EFCAB6: variants seen among roughly 807,000 people sequenced by gnomAD.
The protein encoded by EFCAB6 is EF-hand calcium-binding domain-containing protein 6.
In EFCAB6, 156 loss-of-function variants were observed where a neutral mutation model predicts 169.8. The observed-to-expected ratio is 0.92, with a 90% confidence interval of 0.81 to 1.05. The LOEUF (loss-of-function observed/expected upper bound fraction) is 1.05. Ranked by LOEUF, EFCAB6 falls within the 50% of genes least tolerant of loss-of-function variation. The pLI is 0.00. For missense variants in EFCAB6, 1,800 were observed against 1,829.1 expected, an observed-to-expected ratio of 0.98 and a Z score of 0.29; for synonymous variants, 698 against 676.4, an observed-to-expected ratio of 1.03 and a Z score of -0.50.
chr22:43,593,263 A>G (rs1036053992), intron 23 of EFCAB6, among the ~76,000 whole-genome samples: 6 of 152,208 alleles, frequency 3.9e-5, no homozygotes, highest in African/African-American at 1.4e-4. Flanking sequence ...AGTGGGTGAG[A>G]GTGAACTAGT....
chr22:43,542,603 G>A (rs1469483325), intron 27 of EFCAB6, among the ~76,000 whole-genome samples: 2 of 152,050 alleles, frequency 1.3e-5, no homozygotes, highest in African/African-American at 2.4e-5. Context: ...TCTGTGGTGC[G>A]GAGGAGGCCA....
chr22:43,544,720 A>G (rs990832226), intron 27 of EFCAB6, among the ~76,000 whole-genome samples: 2 of 152,156 alleles, frequency 1.3e-5, no homozygotes, highest in Admixed American at 1.3e-4. Context: ...CCCTTCAAAA[A>G]AAAAACCTCT....
chr22:43,800,059 C>T (rs986912471), intron 2 of EFCAB6, among the ~76,000 whole-genome samples: 1 of 152,204 alleles, frequency 6.6e-6, no homozygotes, highest in Non-Finnish European at 1.5e-5. Context: ...GGTGGGACTA[C>T]CATCTCCAGC....
chr22:43,687,565 T>C lies in EFCAB6; in HGVS notation c.1048A>G (p.Thr350Ala). ...AATTGCTTCCAATTGATTTTAGTGG[T>C]GGCTTTAAGTCCAAATCTGGATTTA... ...QLMKRFGLKA[T>A]TKINWKQFLT... Residue 350 changes from threonine (T) to alanine (A), a missense_variant, in exon 11 of 32, where the codon ACC becomes GCC. Physicochemically the swap from Thr to Ala is moderately conservative, Grantham distance 58. Transcript: ENST00000262726. 1.9e-6 allele frequency: 3 copies of C among 1,598,456 alleles called. No homozygotes were observed. The highest frequency in any genetic ancestry group is 1.3e-5 in the African/African-American group (1 of 74,130).
At chr22:43,670,960 C>T (rs2146967804) in intron 15 of EFCAB6, among the ~76,000 whole-genome samples, 1 of 152,310 alleles carries the variant, frequency 6.6e-6, no homozygotes, top group South Asian at 2.1e-4. Flanking sequence ...TATAAGATCT[C>T]ATTTGATCCT....
intron 17 of EFCAB6, among the ~76,000 whole-genome samples, chr22:43,640,454 C>G (rs2055722063): frequency 6.6e-6 from 1 of 152,178 alleles, no homozygotes; most frequent in Admixed American, 6.5e-5. Context: ...ATCTGTTCTG[C>G]TCATATGTGG....
Position 43,590,231 on chromosome 22 carries a change from TGAAA to T in EFCAB6, c.2877-6_2877-3del. 1.9e-6 allele frequency: 3 copies of T among 1,612,748 alleles called. No homozygotes were observed. The highest frequency in any genetic ancestry group is 2.5e-6 in the Non-Finnish European group (3 of 1,179,484). On this transcript the variant is annotated splice_region_variant and splice_polypyrimidine_tract_variant and intron_variant, in intron 23 of 31. Transcript: ENST00000262726. ...TGATGGCGGTCCATAAGCTTATCCC[TGAAA>T]GAGAGTACATTGCAGACATACCCTA...
At chr22:43,663,147 C>T (rs966594895) in intron 17 of EFCAB6, among the ~76,000 whole-genome samples, 3 of 152,214 alleles carry the variant, frequency 2.0e-5, no homozygotes, top group Non-Finnish European at 4.4e-5. Context: ...TCACCGTCAT[C>T]GTTATTATTC....
intron 10 of EFCAB6, among the ~76,000 whole-genome samples, chr22:43,710,135 A>G (rs2059109443): frequency 6.6e-6 from 1 of 152,218 alleles, no homozygotes; most frequent in Non-Finnish European, 1.5e-5. Context: ...AAACCAGGTA[A>G]AGAGAGTATT....
In EFCAB6 at chr22:43,550,988, G is replaced by A. The variant is rs150641526; in HGVS notation, c.3648+3881C>T. On this transcript the variant is annotated intron_variant, in intron 27 of 31. Coordinates refer to ENST00000262726, the MANE Select transcript of EFCAB6 (RefSeq NM_022785.4). ...GTCACTTCCCTCACTTACAGAGCTC[G>A]ATAAGTCAAGAAAGCTGGCCCCTCA... Among the ~76,000 whole-genome samples the A allele has an allele frequency of 5.2e-3, 793 of 152,258 alleles. 4 individuals carry two copies. Among genetic ancestry groups the A allele is most frequent in the Middle Eastern group, 0.041 (12 of 294 alleles).
chr22:43,567,763 G>A (rs1460790666), intron 26 of EFCAB6, among the ~76,000 whole-genome samples: 7 of 152,148 alleles, frequency 4.6e-5, no homozygotes, highest in African/African-American at 1.4e-4. Context: ...CCCAGGCACT[G>A]AGCTGGGCAA....
At chr22:43,579,449 AGCATCATTCCATACATATAG>A (rs931872286) in intron 25 of EFCAB6, among the ~76,000 whole-genome samples, 2 of 128,236 alleles carry the variant, frequency 1.6e-5, no homozygotes, top group Non-Finnish European at 3.3e-5. Flanking sequence ...CCTACATGCA[AGCATCATTCCATACATATAG>A]GCATCATTCT....
Position 43,540,097 on chromosome 22 carries a change from C to T in EFCAB6, c.3879+30G>A, listed in dbSNP as rs780612474. 3.7e-6 allele frequency: 6 copies of T among 1,611,614 alleles called. No homozygotes were observed. The South Asian group carries it at 6.6e-5, about 18-fold the overall frequency. On this transcript the variant is annotated intron_variant, in intron 28 of 31. Coordinates refer to ENST00000262726, the MANE Select transcript of EFCAB6 (RefSeq NM_022785.4). The stretch of plus-strand genomic sequence containing the variant: ...ATTTGTGGATGTGGCATGAGGAGGC[C>T]TGGGACACCTGGCAGGATGGAGAAC...
chr22:43,811,698 G>A (rs2063136308), intron 1 of EFCAB6, among the ~76,000 whole-genome samples: 1 of 152,130 alleles, frequency 6.6e-6, no homozygotes, highest in Non-Finnish European at 1.5e-5. Flanking sequence ...GTGTGACTTT[G>A]GAAAAGCCCC....
At chr22:43,761,224 T>A (rs560475320) in intron 5 of EFCAB6, among the ~76,000 whole-genome samples, 2 of 152,234 alleles carry the variant, frequency 1.3e-5, no homozygotes, top group African/African-American at 4.8e-5. Flanking sequence ...TCAAGAACTA[T>A]GAGAAATAAA....
At chr22:43,561,975 C>G (rs2049068116) in intron 26 of EFCAB6, among the ~76,000 whole-genome samples, 1 of 152,158 alleles carries the variant, frequency 6.6e-6, no homozygotes, top group Non-Finnish European at 1.5e-5. Flanking sequence ...TGGGCCCGGT[C>G]CGTGCTGGGC....
intron 8 of EFCAB6, among the ~76,000 whole-genome samples, chr22:43,723,459 C>T (rs2059611461): frequency 6.6e-6 from 1 of 152,138 alleles, no homozygotes; most frequent in South Asian, 2.1e-4. Flanking sequence ...AAAAAAGAGA[C>T]TCAGATGAAA....
In EFCAB6 at chr22:43,572,174, T is replaced by A. The variant is rs561423146; in HGVS notation, c.3420+4123A>T. Reference sequence around the variant, plus strand: ...TTCTCCTCTTCACTCTTGCTGCAATTTTCTCATGAGGATGTTGAGCAGGTG... The same window carrying A: ...TTCTCCTCTTCACTCTTGCTGCAATATTCTCATGAGGATGTTGAGCAGGTG... On this transcript the variant is annotated intron_variant, in intron 26 of 31. Transcript: ENST00000262726. The surrounding 1 kb of genome is among the most constrained non-coding windows in gnomAD (Gnocchi z 4.0). Among the ~76,000 whole-genome samples, 278 of 152,286 alleles carry A rather than the reference T, an allele frequency of 1.8e-3. No individual in the cohort carries two copies. Among genetic ancestry groups the A allele is most frequent in the Non-Finnish European group, 3.5e-3 (235 of 68,020 alleles).
intron 26 of EFCAB6, among the ~76,000 whole-genome samples, chr22:43,568,548 G>A (rs543988561): frequency 9.2e-5 from 14 of 152,272 alleles, no homozygotes; most frequent in African/African-American, 3.4e-4. Flanking sequence ...AGGGCTTCCC[G>A]TGGAGGCTAG....
Sources: gnomAD v4.1 joint callset for allele counts (sites outside exome capture counted in the v4.1 genomes callset) on GRCh38, gnomAD v4.1.1 for gene constraint, Gnocchi (gnomAD v3.1) non-coding constraint, MANE v1.5 for transcripts, NCBI Gene and HGNC (gene_info 2026-07-23, HGNC 2026-07-21) for gene names.